The following LCOR variants were observed in gnomAD, a reference collection of about 807,000 sequenced individuals.
LCOR encodes the protein ligand dependent nuclear receptor corepressor.
LCOR carries 14 observed loss-of-function variants against 64.4 expected under a neutral mutation model. The ratio of observed to expected loss-of-function variants is 0.22; its 90% CI spans 0.14 to 0.34. LCOR has a LOEUF of 0.34. LCOR is among the 10% of genes least tolerant of loss of function. LCOR has a pLI of 1.00. For missense variants in LCOR, 1,686 were observed against 1,765.3 expected (o/e 0.96, Z 0.80); for synonymous variants, 643 against 642.5 (o/e 1.00, Z -0.01).
At chr10:96,927,503 TTA>T (rs1847189644) in intron 4 of LCOR, among the ~76,000 whole-genome samples, 1 of 152,138 alleles carries the variant, frequency 6.6e-6, no homozygotes, top group Non-Finnish European at 1.5e-5. Flanking sequence ...CTCTTAAAAT[TTA>T]TGTTTTTTAA....
chr10:96,935,988 G>T (rs1358348347), intron 4 of LCOR, among the ~76,000 whole-genome samples: 3 of 152,270 alleles, frequency 2.0e-5, no homozygotes, highest in Admixed American at 6.5e-5. Flanking sequence ...CAGGTGAAAT[G>T]ACAGACCTAT....
chr10:96,957,918 A>G (rs558189759), intron 7 of LCOR: 11 of 986,214 alleles, frequency 1.1e-5, no homozygotes, highest in African/African-American at 1.7e-5. Flanking sequence ...TTTGGGTTCA[A>G]TAGCATTTTA....
At chr10:96,899,995 C>T (rs1030518392) in intron 2 of LCOR, among the ~76,000 whole-genome samples, 3 of 152,136 alleles carry the variant, frequency 2.0e-5, no homozygotes, top group Non-Finnish European at 4.4e-5. Flanking sequence ...ATTATAGTCA[C>T]AGAATTATGC....
chr10:96,899,830 A>G (rs1013657115), intron 2 of LCOR, among the ~76,000 whole-genome samples: 7 of 152,164 alleles, frequency 4.6e-5, no homozygotes, highest in African/African-American at 1.7e-4. Context: ...TTAAATTAGA[A>G]TTACAAGGCT....
chr10:96,906,820 T>G (rs11188967), intron 2 of LCOR, among the ~76,000 whole-genome samples: 21,817 of 152,180 alleles, frequency 0.14, 2,147 homozygotes, highest in African/African-American at 0.27. Flanking sequence ...TCTCAGTAAA[T>G]ATTTCATAAA....
intron 4 of LCOR, among the ~76,000 whole-genome samples, chr10:96,919,559 A>G (rs902132713): frequency 1.3e-5 from 2 of 152,270 alleles, no homozygotes; most frequent in East Asian, 3.9e-4. Flanking sequence ...GGTGTACAAG[A>G]TGAGTAGTTA....
In LCOR at chr10:96,988,234, T is replaced by A. The variant is rs1277229066; in HGVS notation, c.*3100T>A. 1 of 152,234 alleles carries A rather than the reference T, an allele frequency of 6.6e-6. No individual in the cohort carries two copies. The highest frequency in any genetic ancestry group is 1.5e-5 in the Non-Finnish European group (1 of 68,042). 9.4% of individuals were successfully genotyped at this position (152,234 alleles called of 1,614,324 possible). On this transcript the variant is annotated 3_prime_UTR_variant, in exon 8 of 8. Transcript: ENST00000421806. ...CACCCCTAGCACTTCCTCAGACAGG[T>A]AACAATCTTGCAGCACAGCAGGAAG...
intron 2 of LCOR, among the ~76,000 whole-genome samples, chr10:96,847,516 C>G (rs1845651615): frequency 6.6e-6 from 1 of 152,060 alleles, no homozygotes; most frequent in Admixed American, 6.5e-5. Context: ...GATCTCGGCT[C>G]ACCGCATCCT....
intron 7 of LCOR, among the ~76,000 whole-genome samples, chr10:96,953,784 T>G (rs1351062923): frequency 1.3e-5 from 2 of 152,176 alleles, no homozygotes; most frequent in Admixed American, 1.3e-4. Flanking sequence ...TTGCCCATCT[T>G]TTAGTTGAAT....
At chr10:96,833,046 C>T in intron 1 of LCOR, 1 of 986,194 alleles carries the variant, frequency 1.0e-6, no homozygotes, top group Non-Finnish European at 1.2e-6. Flanking sequence ...GGTGTCATGG[C>T]CGCGGGGGGC....
chr10:96,842,178 G>A (rs1456934265), intron 2 of LCOR, among the ~76,000 whole-genome samples: 2 of 151,998 alleles, frequency 1.3e-5, no homozygotes, highest in African/African-American at 2.4e-5. Context: ...GGTGGATCAC[G>A]AGGTCAAGAG....
chr10:96,912,914 C>T (rs755745716), intron 4 of LCOR, among the ~76,000 whole-genome samples: 7 of 152,162 alleles, frequency 4.6e-5, no homozygotes, highest in East Asian at 1.9e-4. Flanking sequence ...TATATCAGTA[C>T]GAATTCATGG....
rs116651353 is a variant in LCOR at position 96,913,396 on chromosome 10, T to C, written c.-184+5649T>C. Among the ~76,000 whole-genome samples the C allele has an allele frequency of 6.9e-3, 1,046 of 152,238 alleles. 13 individuals carry two copies. Among genetic ancestry groups the C allele is most frequent in the African/African-American group, 0.024 (996 of 41,510 alleles). ...GGGGAGAGATGGGAAGGATGAGAAA[T>C]TACTTTTAGTAGTTAATTCCTAAAA... On this transcript the variant is annotated intron_variant, in intron 4 of 7. Transcript: ENST00000421806.
Position 96,984,687 on chromosome 10 carries a change from T to C in LCOR, c.4227T>C (p.Asp1409=). The change falls in exon 8 of 8, where the codon GAT becomes GAC. Residue 1409 remains aspartate (D), a synonymous_variant. Coordinates refer to ENST00000421806, the MANE Select transcript of LCOR (RefSeq NM_001346516.2). ...GAACAGAAGGCAGCAGCCCTCCAGA[T>C]AGTAAGAACAAGGGGCCTACGGTGA... ...RKRTEGSSPP[D]SKNKGPTVKA... 6.2e-7 allele frequency: 1 copy of C among 1,614,002 alleles called. No homozygotes were observed. The highest frequency in any genetic ancestry group is 8.5e-7 in the Non-Finnish European group (1 of 1,180,022).
intron 7 of LCOR, chr10:96,961,910 TTGG>T (rs1847887648): frequency 6.6e-6 from 1 of 151,870 alleles, no homozygotes; most frequent in Non-Finnish European, 1.5e-5. Flanking sequence ...TTTTTCCTGC[TTGG>T]TGGTGGAAGG....
At chr10:96,933,530 ACT>A (rs1847298613) in intron 4 of LCOR, among the ~76,000 whole-genome samples, 1 of 152,098 alleles carries the variant, frequency 6.6e-6, no homozygotes, top group East Asian at 1.9e-4. Flanking sequence ...AGATGGAAAG[ACT>A]CTTTTTGAGA....
At chr10:96,870,262 C>T (rs542907813) in intron 2 of LCOR, among the ~76,000 whole-genome samples, 1 of 151,854 alleles carries the variant, frequency 6.6e-6, no homozygotes, top group Admixed American at 6.6e-5. Flanking sequence ...CTGCCTGCCT[C>T]GGCCTCCCAA....
chr10:96,926,421 T>A (rs4394767), intron 4 of LCOR, among the ~76,000 whole-genome samples: 21,450 of 152,146 alleles, frequency 0.14, 2,084 homozygotes, highest in African/African-American at 0.27. Flanking sequence ...TAATCACATA[T>A]CTTTGTGACA....
chr10:96,981,909 C>T lies in LCOR; in HGVS notation c.1449C>T (p.His483=), dbSNP rs931519119. The part of the protein sequence containing the change: ...VYISQPITEC[H]FENQKSILSS... ...TCAGTCAACCAATAACAGAATGCCA[C>T]TTTGAGAATCAAAAATCAATATTAT... is the stretch of plus-strand genomic sequence containing the variant. Residue 483 remains histidine (H), a synonymous_variant, in exon 8 of 8, where the codon CAC becomes CAT. Coordinates refer to ENST00000421806, the MANE Select transcript of LCOR (RefSeq NM_001346516.2). 4 of 1,614,176 alleles carry T rather than the reference C, an allele frequency of 2.5e-6. No individual in the cohort carries two copies.
Sources: allele counts gnomAD v4.1 joint callset (sites outside exome capture counted in the v4.1 genomes callset), GRCh38; gene constraint gnomAD v4.1.1; transcripts MANE v1.5; gene names NCBI Gene and HGNC (gene_info 2026-07-23, HGNC 2026-07-21).